The following KLF12 variants were observed in gnomAD, a reference collection of about 807,000 sequenced individuals.
The protein encoded by KLF12 is Krueppel-like factor 12.
KLF12 carries 9 observed loss-of-function variants against 37.8 expected under a neutral mutation model. That is an observed-to-expected ratio of 0.24 (90% CI 0.14 to 0.42). The LOEUF is 0.42. Among genes scored for constraint, KLF12 ranks in the 10% least tolerant of loss-of-function variants. The pLI, the probability that KLF12 is intolerant of heterozygous loss-of-function variation, is 1.00. For missense variants in KLF12, 411 were observed against 516.0 expected (o/e 0.80, Z 1.97); for synonymous variants, 208 against 202.1 (o/e 1.03, Z -0.25).
intron 1 of KLF12, among the ~76,000 whole-genome samples, chr13:74,046,926 T>C (rs1387735837): frequency 6.6e-6 from 1 of 152,218 alleles, no homozygotes; most frequent in Non-Finnish European, 1.5e-5. Flanking sequence ...TTCACTATCA[T>C]TGATTCTCCT....
At chr13:74,023,157 C>G (rs1458055648) in intron 1 of KLF12, among the ~76,000 whole-genome samples, 1 of 152,184 alleles carries the variant, frequency 6.6e-6, no homozygotes, top group Admixed American at 6.5e-5. Flanking sequence ...AGATTAGAAC[C>G]TCTGGGGATG....
chr13:74,116,426 T>C (rs1465962732), intron 1 of KLF12, among the ~76,000 whole-genome samples: 1 of 152,226 alleles, frequency 6.6e-6, no homozygotes, highest in African/African-American at 2.4e-5. Flanking sequence ...TAGTTTTACA[T>C]GAATGGTAGA....
chr13:73,797,359 TTC>T (rs1023584469), intron 5 of KLF12, among the ~76,000 whole-genome samples: 9 of 152,210 alleles, frequency 5.9e-5, no homozygotes, highest in Non-Finnish European at 1.3e-4. Context: ...TAGCCATTCC[TTC>T]TTTCTTCATC....
chr13:74,057,967 ATTT>A (rs11418994), intron 1 of KLF12, among the ~76,000 whole-genome samples: 7 of 141,716 alleles, frequency 4.9e-5, no homozygotes, highest in East Asian at 2.0e-4. Context: ...TAGCTATGTA[ATTT>A]TTTTTTTTTT....
intron 2 of KLF12, among the ~76,000 whole-genome samples, chr13:73,954,882 T>C (rs1261733560): frequency 6.6e-6 from 1 of 152,244 alleles, no homozygotes; most frequent in African/African-American, 2.4e-5. Flanking sequence ...TGCTGTTAAA[T>C]ATCTAATTCA....
chr13:74,240,978 T>TG, the KLF12 span, among the ~76,000 whole-genome samples: 3 of 152,136 alleles, frequency 2.0e-5, no homozygotes. Flanking sequence ...TTTGTTCCGT[T>TG]GCTGGTGAGG....
intron 1 of KLF12, among the ~76,000 whole-genome samples, chr13:74,000,218 C>G (rs1490342873): frequency 6.6e-6 from 1 of 152,176 alleles, no homozygotes; most frequent in Non-Finnish European, 1.5e-5. Context: ...TTCTTGAAAA[C>G]TAGGAAAAGC....
intron 2 of KLF12, among the ~76,000 whole-genome samples, chr13:73,983,640 T>A (rs1484848925): frequency 6.6e-6 from 1 of 152,226 alleles, no homozygotes; most frequent in Non-Finnish European, 1.5e-5. Context: ...CATATTTCCA[T>A]CATGTACAAA....
intron 1 of KLF12, among the ~76,000 whole-genome samples, chr13:74,054,361 G>A (rs189478744): frequency 2.0e-5 from 3 of 152,258 alleles, no homozygotes; most frequent in East Asian, 1.9e-4. Flanking sequence ...CATTAGGGTA[G>A]CTGTAGTCAG....
At chr13:73,958,273 T>C (rs1890908159) in intron 2 of KLF12, among the ~76,000 whole-genome samples, 1 of 152,084 alleles carries the variant, frequency 6.6e-6, no homozygotes. Flanking sequence ...AGACACAGTC[T>C]CACTCTGTCG....
intron 1 of KLF12, among the ~76,000 whole-genome samples, chr13:74,101,199 T>G (rs557898090): frequency 6.6e-6 from 1 of 152,276 alleles, no homozygotes; most frequent in South Asian, 2.1e-4. Flanking sequence ...CTGGACCTAT[T>G]CACCTCCCCT....
At chr13:74,214,481 T>A in the KLF12 span, among the ~76,000 whole-genome samples, 19 of 152,348 alleles carry the variant, frequency 1.2e-4, no homozygotes, top group East Asian at 3.5e-3. Context: ...TTTAATATGT[T>A]GCTGTACTTG....
the KLF12 span, among the ~76,000 whole-genome samples, chr13:74,293,416 A>T: frequency 6.6e-6 from 1 of 152,164 alleles, no homozygotes; most frequent in Admixed American, 6.6e-5. Flanking sequence ...AGAATTGGAG[A>T]TCAGATTAGT....
intron 4 of KLF12, among the ~76,000 whole-genome samples, chr13:73,824,677 A>T (rs1175277823): frequency 6.6e-6 from 1 of 152,204 alleles, no homozygotes; most frequent in East Asian, 1.9e-4. Flanking sequence ...ACTCTGTAAA[A>T]TTGGATGAAA....
chr13:73,692,711 G>A lies in KLF12; in HGVS notation c.*2779C>T, dbSNP rs367731147. 1.2e-4 allele frequency: 19 copies of A among 152,780 alleles called. No individual in the cohort carries two copies. The highest frequency in any genetic ancestry group is 3.6e-4 in the African/African-American group (15 of 41,580). The allele number at this position is 152,780 out of a possible 1,614,324, so 9.5% of individuals were successfully genotyped here. On this transcript the variant is annotated 3_prime_UTR_variant, in exon 8 of 8. Transcript: ENST00000377669. ...AAACTCACCAAGGAGAATTTGCCAC[G>A]TCTCAAGACAAGCCCCAAAGAAGTT...
chr13:74,244,179 T>A, the KLF12 span, among the ~76,000 whole-genome samples: 1 of 152,220 alleles, frequency 6.6e-6, no homozygotes, highest in Non-Finnish European at 1.5e-5. Context: ...CTTTGGTAAT[T>A]GTTAAGAATT....
chr13:73,795,443 C>T (rs1261980316), intron 5 of KLF12, among the ~76,000 whole-genome samples: 1 of 152,192 alleles, frequency 6.6e-6, no homozygotes, highest in Non-Finnish European at 1.5e-5. Context: ...ATGTTCAATA[C>T]ACACTGAATA....
intron 6 of KLF12, 55 bp from the exon 7 acceptor site, chr13:73,715,580 T>A: frequency 6.4e-7 from 1 of 1,569,520 alleles, no homozygotes; most frequent in Non-Finnish European, 8.7e-7. Context: ...CCCATTTTGG[T>A]TCTGGTGGCA....
chr13:74,227,831 A>G, the KLF12 span, among the ~76,000 whole-genome samples: 1 of 152,154 alleles, frequency 6.6e-6, no homozygotes, highest in Non-Finnish European at 1.5e-5. Context: ...ACAAATAAAA[A>G]CATAGTCCAA....
Sources: gnomAD v4.1 joint callset for allele counts (sites outside exome capture counted in the v4.1 genomes callset) on GRCh38, gnomAD v4.1.1 for gene constraint, MANE v1.5 for transcripts, NCBI Gene and HGNC (gene_info 2026-07-23, HGNC 2026-07-21) for gene names.